The following ANK2 variants were observed in gnomAD, a reference collection of about 807,000 sequenced individuals.
The protein encoded by ANK2 is ankyrin 2, also known as ankyrin-2.
In ANK2, 83 loss-of-function variants were observed where a neutral mutation model predicts 360.5. The observed-to-expected ratio is 0.23, with a 90% confidence interval of 0.19 to 0.28. The LOEUF (loss-of-function observed/expected upper bound fraction) is 0.28. Ranked by LOEUF, ANK2 falls within the 10% of genes least tolerant of loss-of-function variation. The pLI is 1.00. For missense variants in ANK2, 4,201 were observed against 4,795.7 expected, an observed-to-expected ratio of 0.88 and a Z score of 3.66; for synonymous variants, 1,740 against 1,759.5, an observed-to-expected ratio of 0.99 and a Z score of 0.28.
chr4:112,750,472 G>GTATA, the ANK2 span, among the ~76,000 whole-genome samples: 3 of 151,060 alleles, frequency 2.0e-5, no homozygotes, highest in African/African-American at 7.3e-5. Flanking sequence ...ACAATATTCA[G>GTATA]TATATATATA....
At chr4:113,180,677 C>T (rs2098389117) in intron 2 of ANK2, among the ~76,000 whole-genome samples, 1 of 151,990 alleles carries the variant, frequency 6.6e-6, no homozygotes, top group South Asian at 2.1e-4. Flanking sequence ...TTTAAAAATA[C>T]TAAAAACAAT....
intron 1 of ANK2, among the ~76,000 whole-genome samples, chr4:113,111,798 A>C (rs761647930): frequency 1.3e-5 from 2 of 152,222 alleles, no homozygotes; most frequent in African/African-American, 2.4e-5. Flanking sequence ...AACTTGGGCT[A>C]AGCATTTGAA....
chr4:113,010,733 A>G (rs777343099), intron 2 of ANK2, among the ~76,000 whole-genome samples: 1 of 152,094 alleles, frequency 6.6e-6, no homozygotes, highest in Non-Finnish European at 1.5e-5. Context: ...CAAACAGAGT[A>G]TTTTAGGTAG....
At chr4:112,854,940 G>T (rs1186518263) in intron 1 of ANK2, among the ~76,000 whole-genome samples, 1 of 152,052 alleles carries the variant, frequency 6.6e-6, no homozygotes, top group Admixed American at 6.6e-5. Flanking sequence ...TTTTGACTGG[G>T]TGTTACAGAA....
chr4:113,096,231 C>T (rs957268334), intron 1 of ANK2, among the ~76,000 whole-genome samples: 1 of 152,142 alleles, frequency 6.6e-6, no homozygotes, highest in African/African-American at 2.4e-5. Context: ...GAGCTGTTTA[C>T]AAAAGTCTCC....
At chr4:112,729,636 T>C in the ANK2 span, among the ~76,000 whole-genome samples, 2 of 151,222 alleles carry the variant, frequency 1.3e-5, 1 homozygote, top group African/African-American at 4.9e-5. Flanking sequence ...TAGTCCCAGC[T>C]ACTTGGGAGG....
intron 1 of ANK2, among the ~76,000 whole-genome samples, chr4:112,871,680 CTT>C (rs1229274025): frequency 6.6e-6 from 1 of 152,148 alleles, no homozygotes; most frequent in Non-Finnish European, 1.5e-5. Context: ...CTTCTTTTCT[CTT>C]TTTTGAAAAC....
chr4:113,234,199 A>T (rs561752254), intron 5 of ANK2, among the ~76,000 whole-genome samples: 81 of 152,250 alleles, frequency 5.3e-4, no homozygotes, highest in Non-Finnish European at 1.0e-3. Context: ...GGTCAAGGCC[A>T]CTGTAGCATT....
chr4:112,770,053 A>G, the ANK2 span, among the ~76,000 whole-genome samples: 10 of 152,188 alleles, frequency 6.6e-5, no homozygotes, highest in African/African-American at 2.4e-4. Flanking sequence ...TTCTCTTTAT[A>G]TGTATCCTGT....
the ANK2 span, among the ~76,000 whole-genome samples, chr4:112,754,061 G>T: frequency 6.9e-6 from 1 of 143,930 alleles, no homozygotes; most frequent in South Asian, 2.2e-4. Context: ...TTACGCCACT[G>T]CACTCCAGCC....
intron 1 of ANK2, among the ~76,000 whole-genome samples, chr4:112,895,960 T>C (rs1329872036): frequency 6.6e-6 from 1 of 152,198 alleles, no homozygotes; most frequent in African/African-American, 2.4e-5. Flanking sequence ...ATTGCCCCAA[T>C]TGTGTTGCAT....
intron 1 of ANK2, among the ~76,000 whole-genome samples, chr4:112,847,344 C>T (rs1374157734): frequency 3.3e-5 from 5 of 152,128 alleles, no homozygotes; most frequent in Admixed American, 2.0e-4. Context: ...CTCAGTTGTT[C>T]GAACTAGAAA....
At chr4:113,119,060 G>A (rs1316867861) in intron 1 of ANK2, among the ~76,000 whole-genome samples, 1 of 152,134 alleles carries the variant, frequency 6.6e-6, no homozygotes, top group Non-Finnish European at 1.5e-5. Context: ...GCCAGTTGTT[G>A]TTGAGAATCT....
At chr4:112,739,205 G>T in the ANK2 span, 1 of 297,358 alleles carries the variant, frequency 3.4e-6, no homozygotes, top group Non-Finnish European at 6.4e-6. Flanking sequence ...AGAGTCCATT[G>T]TAAGGAGAGA....
At chr4:112,810,151 ATATATATATTTTTTT>A in the ANK2 span, among the ~76,000 whole-genome samples, 15 of 26,288 alleles carry the variant, frequency 5.7e-4, no homozygotes, top group South Asian at 1.9e-3. Context: ...ATATATATAT[ATATATATATTTTTTT>A]TTTTTTTTTT....
rs569287001 is a variant in ANK2 at position 113,294,982 on chromosome 4, A to G, written c.2475+1444A>G. Among the ~76,000 whole-genome samples, 57 of 152,332 alleles carry G rather than the reference A, an allele frequency of 3.7e-4. 1 individual carries two copies. In the South Asian group the frequency reaches 9.5e-3, roughly 25 times the overall value. On this transcript the variant is annotated intron_variant, in intron 22 of 45. Coordinates refer to ENST00000357077, the MANE Select transcript of ANK2 (RefSeq NM_001148.6). ...ACAATACGTGAAGCCTTTAGTGGCA[A>G]GATTGGCCAAGCACACCTGTTCTGC...
intron 1 of ANK2, among the ~76,000 whole-genome samples, chr4:112,865,011 G>A (rs188231164): frequency 0.061 from 7,222 of 117,818 alleles, 326 homozygotes; most frequent in African/African-American, 0.14. Context: ...CAGCCTGGGC[G>A]ACAGAGCGAG....
At chr4:113,220,262 T>C (rs3025753) in intron 4 of ANK2, among the ~76,000 whole-genome samples, 4,249 of 152,316 alleles carry the variant, frequency 0.028, 95 homozygotes, top group East Asian at 0.067. Flanking sequence ...TGTAATCTGC[T>C]GATTGGCTTA....
intron 24 of ANK2, among the ~76,000 whole-genome samples, chr4:113,315,536 T>C (rs1470719612): frequency 1.3e-5 from 2 of 152,082 alleles, no homozygotes; most frequent in Admixed American, 1.3e-4. Context: ...ACAGAAGAGG[T>C]TGGCTCCTCT....
Sources: allele counts gnomAD v4.1 joint callset (sites outside exome capture counted in the v4.1 genomes callset), GRCh38; gene constraint gnomAD v4.1.1; transcripts MANE v1.5; gene names NCBI Gene and HGNC (gene_info 2026-07-23, HGNC 2026-07-21).